Variants in CENPL observed in about 807,000 individuals in gnomAD.
CENPL encodes interphase centromere complex protein 33.
A neutral mutation model predicts 35.2 loss-of-function variants in CENPL; 20 were observed. The observed-to-expected ratio is 0.57, with a 90% CI of 0.40 to 0.83. CENPL has a LOEUF of 0.83. Ranked by LOEUF, CENPL falls within the 40% of genes least tolerant of loss-of-function variation. The pLI is 0.00. For synonymous variants in CENPL, 140 were observed against 140.6 expected (o/e 1.00, Z 0.03); for missense variants, 363 against 395.8 (o/e 0.92, Z 0.70).
chr1:173,809,582 T>C (rs1211759492), intron 3 of CENPL, among the ~76,000 whole-genome samples: 4 of 146,672 alleles, frequency 2.7e-5, no homozygotes, highest in Admixed American at 1.4e-4. Flanking sequence ...GGTGACAGAG[T>C]GAGACACTCT....
intron 3 of CENPL, among the ~76,000 whole-genome samples, chr1:173,809,018 A>G (rs1030057272): frequency 3.9e-5 from 6 of 152,186 alleles, no homozygotes; most frequent in Admixed American, 2.6e-4. Context: ...TCCAGCACCA[A>G]TAAGGAACTT....
intron 5 of CENPL, among the ~76,000 whole-genome samples, 167 bp from the exon 6 acceptor site, chr1:173,800,686 C>T (rs1359172087): frequency 6.6e-6 from 1 of 152,162 alleles, no homozygotes; most frequent in Non-Finnish European, 1.5e-5. Context: ...AGTGATTTAT[C>T]CCTATAATCC....
At chr1:173,817,031 G>C (rs1277579972) in intron 2 of CENPL, among the ~76,000 whole-genome samples, 7 of 152,092 alleles carry the variant, frequency 4.6e-5, no homozygotes, top group Non-Finnish European at 8.8e-5. Flanking sequence ...TCAGCCACTT[G>C]GGAGGCTGAG....
intron 2 of CENPL, among the ~76,000 whole-genome samples, chr1:173,815,035 C>T (rs1651219864): frequency 6.6e-6 from 1 of 152,128 alleles, no homozygotes; most frequent in South Asian, 2.1e-4. Context: ...ATACAAACTA[C>T]CATCAGAGAA....
At chr1:173,812,931 A>G (rs1405846906) in intron 2 of CENPL, among the ~76,000 whole-genome samples, 4 of 152,202 alleles carry the variant, frequency 2.6e-5, no homozygotes, top group African/African-American at 9.6e-5. Context: ...TCTTGAAAAA[A>G]GGTTAGATGA....
At position 173,818,314 on chromosome 1, in the gene CENPL, A is replaced by G. The variant is rs573717135; in HGVS notation, c.-8+5612T>C. Reference sequence around the variant, plus strand: ...TATCTATGCAAAAACCTTTACAGTAACAAGACAAATCCTAAACTCTTCTGC... The same window carrying G: ...TATCTATGCAAAAACCTTTACAGTAGCAAGACAAATCCTAAACTCTTCTGC... On this transcript the variant is annotated intron_variant, in intron 2 of 5. Transcript: ENST00000682279. Among the ~76,000 whole-genome samples the G allele has an allele frequency of 7.2e-5, 11 of 152,304 alleles. No individual in the cohort carries two copies. In the South Asian group the frequency reaches 1.0e-3, roughly 14 times the overall value.
rs139208868 is a variant in CENPL at position 173,817,946 on chromosome 1, T to C, written c.-8+5980A>G. Among the ~76,000 whole-genome samples, 30 of 152,170 alleles carry C rather than the reference T, an allele frequency of 2.0e-4. No homozygotes were observed. The East Asian group carries it at 3.9e-3, about 20-fold the overall frequency. Reference sequence around the variant, plus strand: ...GCATGTTCTCACTCATAGGTGGGAATTGATCAATGAGAACAATTGGACACA... The same window carrying C: ...GCATGTTCTCACTCATAGGTGGGAACTGATCAATGAGAACAATTGGACACA... On this transcript the variant is annotated intron_variant, in intron 2 of 5. Transcript: ENST00000682279.
At chr1:173,817,557 G>A (rs1446510514) in intron 2 of CENPL, among the ~76,000 whole-genome samples, 1 of 152,226 alleles carries the variant, frequency 6.6e-6, no homozygotes, top group African/African-American at 2.4e-5. Context: ...ACTGTTGGTG[G>A]GAGTGTAAAC....
chr1:173,816,381 T>C (rs1651377879), intron 2 of CENPL, among the ~76,000 whole-genome samples: 1 of 152,084 alleles, frequency 6.6e-6, no homozygotes, highest in East Asian at 1.9e-4. Flanking sequence ...GCCAAGACAA[T>C]CCTAAGCAAA....
At chr1:173,815,276 A>G (rs920534170) in intron 2 of CENPL, among the ~76,000 whole-genome samples, 1 of 152,246 alleles carries the variant, frequency 6.6e-6, no homozygotes, top group Non-Finnish European at 1.5e-5. Context: ...AGCTGGTACC[A>G]TTCCTTCTGA....
rs537945027 is a variant in CENPL at position 173,824,275 on chromosome 1, G to C, written c.-165C>G. 1 of 152,430 alleles carries C rather than the reference G, an allele frequency of 6.6e-6. No homozygotes were observed. Among genetic ancestry groups the C allele is most frequent in the South Asian group, 2.1e-4 (1 of 4,830 alleles). 9.4% of individuals were successfully genotyped at this position (152,430 alleles called of 1,614,324 possible). A position where few individuals can be genotyped will look rare whatever the true frequency, so the allele number is the denominator to read the frequency against. ...GCTCGCGGAGGGGGAAGGGCAAAAG[G>C]ACAGTGCGTCCCAACCCGTCCCTCT... On this transcript the variant is annotated 5_prime_UTR_variant, in exon 1 of 6. Transcript: ENST00000682279.
At chr1:173,818,288 T>C (rs1651613994) in intron 2 of CENPL, among the ~76,000 whole-genome samples, 1 of 152,182 alleles carries the variant, frequency 6.6e-6, no homozygotes, top group African/African-American at 2.4e-5. Context: ...GCACTTTATT[T>C]TATCTATGCA....
intron 3 of CENPL, among the ~76,000 whole-genome samples, chr1:173,810,676 T>C (rs1650723092): frequency 1.3e-5 from 2 of 152,070 alleles, no homozygotes; most frequent in African/African-American, 2.4e-5. Context: ...ATCCCAACAC[T>C]TGGGGAGGCT....
chr1:173,812,458 C>T (rs985407480), intron 2 of CENPL, among the ~76,000 whole-genome samples: 3 of 152,188 alleles, frequency 2.0e-5, no homozygotes, highest in Admixed American at 6.5e-5. Flanking sequence ...CACTATGGGA[C>T]GAAGCTTCCA....
At chr1:173,819,217 C>A (rs1197881542) in intron 2 of CENPL, among the ~76,000 whole-genome samples, 3 of 151,938 alleles carry the variant, frequency 2.0e-5, no homozygotes, top group Non-Finnish European at 4.4e-5. Context: ...CTGGGTGACA[C>A]AGCAAGACCC....
intron 5 of CENPL, among the ~76,000 whole-genome samples, chr1:173,801,312 T>G (rs1419580300): frequency 6.6e-6 from 1 of 151,546 alleles, no homozygotes; most frequent in African/African-American, 2.4e-5. Context: ...GTCAGGAGTT[T>G]GAGACCAGCC....
chr1:173,817,426 A>G (rs1215449466), intron 2 of CENPL, among the ~76,000 whole-genome samples: 3 of 152,256 alleles, frequency 2.0e-5, no homozygotes, highest in Non-Finnish European at 4.4e-5. Flanking sequence ...ACTGGTCATC[A>G]GAGAAATGCA....
chr1:173,815,492 C>T (rs536781944), intron 2 of CENPL, among the ~76,000 whole-genome samples: 11 of 152,186 alleles, frequency 7.2e-5, no homozygotes, highest in East Asian at 5.8e-4. Context: ...TCCACCATGA[C>T]CAAGTCAGCT....
At chr1:173,814,475 C>T (rs762036192) in intron 2 of CENPL, among the ~76,000 whole-genome samples, 23 of 152,182 alleles carry the variant, frequency 1.5e-4, no homozygotes, top group Non-Finnish European at 2.8e-4. Flanking sequence ...GATATCACAA[C>T]AAACTGTCTC....
Sources: allele counts gnomAD v4.1 joint callset (sites outside exome capture counted in the v4.1 genomes callset), GRCh38; gene constraint gnomAD v4.1.1; transcripts MANE v1.5; gene names NCBI Gene and HGNC (gene_info 2026-07-23, HGNC 2026-07-21).